FGFR2: variants seen among roughly 807,000 people sequenced by gnomAD.
The protein encoded by FGFR2 is fibroblast growth factor receptor 2, also known as BEK fibroblast growth factor receptor.
A neutral mutation model predicts 95.9 loss-of-function variants in FGFR2; 19 were observed. The observed-to-expected ratio is 0.20, with a 90% confidence interval of 0.14 to 0.29. FGFR2 has a LOEUF of 0.29. Ranked by LOEUF, FGFR2 falls within the 10% of genes least tolerant of loss-of-function variation. The pLI is 1.00. For missense variants in FGFR2, 707 were observed against 1,056.9 expected (o/e 0.67, Z 4.59); for synonymous variants, 392 against 393.3 (o/e 1.00, Z 0.04).
chr10:121,485,962 G>C lies in FGFR2; in HGVS notation c.2058-430C>G, dbSNP rs1845354915. ...AGGATCACAGCTGCCCTGTGTGGCT[G>C]GCGGAACATCTGCTGCACAGAGGCT... On this transcript the variant is annotated intron_variant, in intron 15 of 17. Coordinates refer to ENST00000358487, the MANE Select transcript of FGFR2 (RefSeq NM_000141.5). The surrounding 1 kb of genome is among the most constrained non-coding windows in gnomAD (Gnocchi z 4.2). Among the ~76,000 whole-genome samples the C allele has an allele frequency of 6.6e-6, 1 of 152,226 alleles. No individual in the cohort carries two copies.
chr10:121,596,971 G>A (rs1554870889), intron 1 of FGFR2, among the ~76,000 whole-genome samples: 1 of 152,170 alleles, frequency 6.6e-6, no homozygotes, highest in Non-Finnish European at 1.5e-5. Context: ...TTGGGACCAG[G>A]GAGACAATGG....
chr10:121,505,820 C>T (rs1848191684), intron 9 of FGFR2, among the ~76,000 whole-genome samples: 1 of 152,210 alleles, frequency 6.6e-6, no homozygotes, highest in Non-Finnish European at 1.5e-5. Flanking sequence ...TCAAGCTCCA[C>T]CTACAGAGCT....
At chr10:121,597,280 C>A (rs1393969642) in intron 1 of FGFR2, among the ~76,000 whole-genome samples, 1 of 152,220 alleles carries the variant, frequency 6.6e-6, no homozygotes, top group South Asian at 2.1e-4. Flanking sequence ...TTAGAACTCG[C>A]CTGCGCTTTC....
chr10:121,584,310 G>A (rs1861419801), intron 2 of FGFR2, among the ~76,000 whole-genome samples: 1 of 151,714 alleles, frequency 6.6e-6, no homozygotes, highest in African/African-American at 2.4e-5. Flanking sequence ...CACCTCTCCA[G>A]CCTGGCCAAA....
At chr10:121,566,571 C>G (rs1291392710) in intron 2 of FGFR2, among the ~76,000 whole-genome samples, 1 of 152,096 alleles carries the variant, frequency 6.6e-6, no homozygotes, top group African/African-American at 2.4e-5. Context: ...CCCTGTCATC[C>G]ACCCTCCAAG....
chr10:121,532,812 T>C (rs1852269035), intron 6 of FGFR2, among the ~76,000 whole-genome samples: 1 of 152,226 alleles, frequency 6.6e-6, no homozygotes, highest in South Asian at 2.1e-4. Context: ...GCTTCATTCT[T>C]GAACACACAC....
chr10:121,585,492 G>GCTTTA (rs1325922333), intron 2 of FGFR2, among the ~76,000 whole-genome samples: 1 of 152,172 alleles, frequency 6.6e-6, no homozygotes, highest in East Asian at 1.9e-4. Flanking sequence ...TTCAGTAGGG[G>GCTTTA]CTTTACATTT....
chr10:121,502,545 C>T (rs1395404494), intron 10 of FGFR2, among the ~76,000 whole-genome samples: 1 of 152,202 alleles, frequency 6.6e-6, no homozygotes, highest in African/African-American at 2.4e-5. Context: ...GAATCAAAAT[C>T]AGAAGTGCCA....
intron 4 of FGFR2, among the ~76,000 whole-genome samples, chr10:121,551,987 C>T (rs151219740): frequency 6.0e-4 from 91 of 150,524 alleles, no homozygotes; most frequent in African/African-American, 2.1e-3. Context: ...GAGAGTCATT[C>T]GTACATTTCT....
At chr10:121,569,884 T>G (rs765411114) in intron 2 of FGFR2, among the ~76,000 whole-genome samples, 1 of 152,180 alleles carries the variant, frequency 6.6e-6, no homozygotes, top group Non-Finnish European at 1.5e-5. Context: ...GTAATACCCC[T>G]GGGTATCCCA....
chr10:121,500,805 G>A (rs2134004160), intron 11 of FGFR2, 21 bp downstream of exon 11: 1 of 1,613,108 alleles, frequency 6.2e-7, no homozygotes, highest in Non-Finnish European at 8.5e-7. Context: ...CCCTCCCCGA[G>A]CCTCCCGCCT....
At chr10:121,559,111 GAAAAAAAAAA>G (rs904279035) in intron 4 of FGFR2, among the ~76,000 whole-genome samples, 1 of 55,232 alleles carries the variant, frequency 1.8e-5, no homozygotes, top group Non-Finnish European at 4.0e-5. Flanking sequence ...TCCAAAAGGA[GAAAAAAAAAA>G]AAAAAAAAAA....
intron 9 of FGFR2, among the ~76,000 whole-genome samples, chr10:121,513,152 G>A (rs1308896697): frequency 6.6e-6 from 1 of 152,192 alleles, no homozygotes; most frequent in African/African-American, 2.4e-5. Context: ...GGGATTACAG[G>A]CGTGAGCCAC....
chr10:121,514,061 T>G (rs1849380703), intron 9 of FGFR2, among the ~76,000 whole-genome samples: 3 of 152,118 alleles, frequency 2.0e-5, no homozygotes, highest in Non-Finnish European at 4.4e-5. Flanking sequence ...TTGTGTAAAA[T>G]GCAGATTCCT....
chr10:121,537,422 ATCT>A (rs1339497932), intron 6 of FGFR2, among the ~76,000 whole-genome samples: 1 of 152,176 alleles, frequency 6.6e-6, no homozygotes, highest in African/African-American at 2.4e-5. Context: ...AATTAACCAA[ATCT>A]TTGCAATTTG....
chr10:121,539,391 G>A (rs950633570), intron 5 of FGFR2, among the ~76,000 whole-genome samples: 4 of 152,260 alleles, frequency 2.6e-5, no homozygotes, highest in Non-Finnish European at 2.9e-5. Flanking sequence ...ATATCCGTCC[G>A]TTCACAAACT....
At chr10:121,594,046 T>C in intron 1 of FGFR2, 79 bp from the exon 2 acceptor site, 1 of 615,256 alleles carries the variant, frequency 1.6e-6, no homozygotes, top group South Asian at 1.9e-5. Flanking sequence ...AAAACCATTT[T>C]TCAGCCTCTC....
rs766217118 is a variant in FGFR2 at position 121,479,888 on chromosome 10, T to C, written c.2435A>G (p.Tyr812Cys). The C allele has an allele frequency of 6.2e-7, 1 of 1,614,144 alleles. No homozygotes were observed. Among genetic ancestry groups the C allele is most frequent in the South Asian group, 1.1e-5 (1 of 91,082 alleles). Residue 812 changes from tyrosine to cysteine, a missense_variant, in exon 18 of 18, where the codon TAT becomes TGT. By Grantham distance (194) the Tyr-to-Cys change is radical. Transcript: ENST00000358487. ...TTTAACACTGCCGTTTATGTGTGGA[T>C]ACTGAGGAAGGCATGGTTCGTAAGG... Reference protein sequence around the residue: ...PMPYEPCLPQYPHINGSVKT With the variant: ...PMPYEPCLPQCPHINGSVKT
intron 2 of FGFR2, among the ~76,000 whole-genome samples, chr10:121,566,351 T>C (rs1040966113): frequency 1.3e-5 from 2 of 152,164 alleles, no homozygotes; most frequent in Non-Finnish European, 2.9e-5. Context: ...GATAAAAGCC[T>C]AGAGGCCTTA....
Sources: allele counts gnomAD v4.1 joint callset (sites outside exome capture counted in the v4.1 genomes callset), GRCh38; gene constraint gnomAD v4.1.1; non-coding constraint Gnocchi (gnomAD v3.1); transcripts MANE v1.5; gene names NCBI Gene and HGNC (gene_info 2026-07-23, HGNC 2026-07-21).